ALDH1L1: variants seen among roughly 807,000 people sequenced by gnomAD.
The protein encoded by ALDH1L1 is aldehyde dehydrogenase 1 family member L1.
Under a neutral mutation model 101.1 loss-of-function variants are expected in ALDH1L1, and 68 were observed. The ratio of observed to expected loss-of-function variants is 0.67; its 90% CI spans 0.55 to 0.82. The LOEUF (loss-of-function observed/expected upper bound fraction) is 0.82. ALDH1L1 is among the 40% of genes least tolerant of loss of function. The pLI, the probability that ALDH1L1 is intolerant of heterozygous loss-of-function variation, is 0.00. For missense variants in ALDH1L1, 1,087 were observed against 1,172.7 expected, an observed-to-expected ratio of 0.93 and a Z score of 1.07; for synonymous variants, 486 against 470.8, an observed-to-expected ratio of 1.03 and a Z score of -0.42.
chr3:126,178,884 T>C (rs1292820601), intron 1 of ALDH1L1, among the ~76,000 whole-genome samples: 1 of 152,026 alleles, frequency 6.6e-6, no homozygotes, highest in Non-Finnish European at 1.5e-5. Flanking sequence ...ACGACTGTAA[T>C]TATTTTGTTT....
intron 1 of ALDH1L1, among the ~76,000 whole-genome samples, chr3:126,173,643 A>G (rs2081322299): frequency 6.6e-6 from 1 of 152,264 alleles, no homozygotes; most frequent in African/African-American, 2.4e-5. Context: ...AAATATACCA[A>G]TTAAAACATG....
At chr3:126,119,478 T>C (rs1490398131) in intron 16 of ALDH1L1, among the ~76,000 whole-genome samples, 2 of 152,174 alleles carry the variant, frequency 1.3e-5, no homozygotes, top group African/African-American at 2.4e-5. Flanking sequence ...TTCCATCCCA[T>C]GACTCGCTCA....
In ALDH1L1 at chr3:126,124,484, A is replaced by G. The variant is rs2108219187; in HGVS notation, c.1801-33T>C. 3.1e-6 allele frequency: 5 copies of G among 1,591,480 alleles called. No individual in the cohort carries two copies. In the East Asian group the frequency reaches 1.1e-4, roughly 36 times the overall value. Reference sequence around the variant, plus strand: ...TGGGGCCAGGAAAGGAGACTGGGTAAGGAGGTTTTTGAAAGTGGGGCTCTG... The same window carrying G: ...TGGGGCCAGGAAAGGAGACTGGGTAGGGAGGTTTTTGAAAGTGGGGCTCTG... On this transcript the variant is annotated intron_variant, in intron 15 of 22. Transcript: ENST00000393434.
intron 6 of ALDH1L1, 125 bp from the exon 7 acceptor site, chr3:126,153,706 G>A (rs537845956): frequency 9.4e-5 from 118 of 1,253,390 alleles, no homozygotes; most frequent in East Asian, 2.0e-4. Flanking sequence ...CCTGGGAGCC[G>A]GCTCAAAGCC....
At chr3:126,190,660 A>G (rs923907603) in intron 1 of ALDH1L1, among the ~76,000 whole-genome samples, 2 of 152,222 alleles carry the variant, frequency 1.3e-5, no homozygotes, top group Non-Finnish European at 2.9e-5. Flanking sequence ...AACATCTGCC[A>G]GGGCATTCCC....
At chr3:126,146,754 G>A in intron 9 of ALDH1L1, 81 bp downstream of exon 9, 1 of 1,471,902 alleles carries the variant, frequency 6.8e-7, no homozygotes, top group Non-Finnish European at 9.3e-7. Flanking sequence ...ACAAATGGTT[G>A]TTTCCTGCTG....
chr3:126,136,978 G>A, intron 10 of ALDH1L1, 95 bp from the exon 11 acceptor site: 1 of 1,503,742 alleles, frequency 6.7e-7, no homozygotes, highest in Non-Finnish European at 9.0e-7. Context: ...ACTGCCCAGG[G>A]GCCTCCTGGG....
intron 7 of ALDH1L1, chr3:126,153,068 G>A (rs2080836335): frequency 8.7e-6 from 3 of 343,330 alleles, no homozygotes; most frequent in Non-Finnish European, 1.7e-5. Flanking sequence ...AGGCACAGAG[G>A]CTTAATGACC....
At chr3:126,184,793 C>T (rs1435403203), upstream of ALDH1L1, among the ~76,000 whole-genome samples, 9 of 152,134 alleles carry the variant, frequency 5.9e-5, no homozygotes, top group Non-Finnish European at 7.3e-5. Flanking sequence ...ACTGTGTGTA[C>T]GCTGCAAAGG....
At chr3:126,130,391 A>G in intron 13 of ALDH1L1, 98 bp from the exon 14 acceptor site, 1 of 1,173,230 alleles carries the variant, frequency 8.5e-7, no homozygotes, top group South Asian at 1.9e-5. Context: ...GAGGAAGTCA[A>G]AGCGACCAGC....
chr3:126,126,033 A>C (rs995885320), intron 14 of ALDH1L1, among the ~76,000 whole-genome samples: 3 of 152,188 alleles, frequency 2.0e-5, no homozygotes, highest in African/African-American at 7.2e-5. Context: ...GCAGGCAGGC[A>C]CAGGTGAGGA....
At chr3:126,151,900 T>C (rs2080813880) in intron 7 of ALDH1L1, 1 of 158,948 alleles carries the variant, frequency 6.3e-6, no homozygotes, top group East Asian at 1.9e-4. Flanking sequence ...CTCTGGACAG[T>C]GGACAAAGCT....
upstream of ALDH1L1, among the ~76,000 whole-genome samples, chr3:126,184,122 C>T (rs900521943): frequency 6.6e-6 from 1 of 152,150 alleles, no homozygotes; most frequent in Non-Finnish European, 1.5e-5. Flanking sequence ...TTTCATAGAC[C>T]AGAGAGAGAA....
chr3:126,193,258 T>G (rs963358036), intron 1 of ALDH1L1, among the ~76,000 whole-genome samples: 1 of 152,186 alleles, frequency 6.6e-6, no homozygotes, highest in Non-Finnish European at 1.5e-5. Context: ...CTTTAGTCAT[T>G]GATGTCACTA....
At chr3:126,108,816 G>A (rs1266698190) in intron 20 of ALDH1L1, among the ~76,000 whole-genome samples, 1 of 152,168 alleles carries the variant, frequency 6.6e-6, no homozygotes, top group Non-Finnish European at 1.5e-5. Context: ...ACAGGTCAAG[G>A]GCAAGTCAGG....
At chr3:126,154,141 T>C (rs1475849635) in intron 6 of ALDH1L1, among the ~76,000 whole-genome samples, 1 of 152,182 alleles carries the variant, frequency 6.6e-6, no homozygotes, top group Admixed American at 6.5e-5. Context: ...CTAGAGCCTG[T>C]GACCCCCAAG....
intron 17 of ALDH1L1, 145 bp from the exon 18 acceptor site, chr3:126,114,801 A>ACCCCC: frequency 2.1e-6 from 1 of 479,814 alleles, no homozygotes; most frequent in Non-Finnish European, 3.5e-6. Flanking sequence ...ACTCCCCCCC[A>ACCCCC]CCCCTTGCGG....
Position 126,125,605 on chromosome 3 carries a change from C to T in ALDH1L1, c.1800+11G>A. On this transcript the variant is annotated intron_variant, in intron 15 of 22. Coordinates refer to ENST00000393434, the MANE Select transcript of ALDH1L1 (RefSeq NM_012190.4). ...GCCTGCAGGCCCTGTCCAGAGTGAA[C>T]CCACGCTCACCTGAGCAGGCTTGAT... 5.9e-6 allele frequency: 9 copies of T among 1,535,250 alleles called. No homozygotes were observed. Among genetic ancestry groups the T allele is most frequent in the Non-Finnish European group, 6.2e-6 (7 of 1,136,268 alleles).
intron 14 of ALDH1L1, among the ~76,000 whole-genome samples, chr3:126,128,051 G>A (rs2365007): frequency 0.64 from 96,360 of 151,674 alleles, 30,693 homozygotes; most frequent in Middle Eastern, 0.72. Context: ...CCTGGGATCC[G>A]TGAGGCCAGC....
Sources: allele counts gnomAD v4.1 joint callset (sites outside exome capture counted in the v4.1 genomes callset), GRCh38; gene constraint gnomAD v4.1.1; transcripts MANE v1.5; gene names NCBI Gene and HGNC (gene_info 2026-07-23, HGNC 2026-07-21).